Variants in REDIC1 observed in about 807,000 individuals in gnomAD.
REDIC1 encodes regulator of DNA class I crossover intermediates 1.
chr12:39,812,880 G>A, the REDIC1 span, among the ~76,000 whole-genome samples: 2 of 148,308 alleles, frequency 1.3e-5, no homozygotes, highest in Non-Finnish European at 3.0e-5. Context: ...TGTCACCCAG[G>A]CTGGAGTGTA....
chr12:39,899,050 G>A, the REDIC1 span, among the ~76,000 whole-genome samples: 3 of 152,176 alleles, frequency 2.0e-5, no homozygotes, highest in East Asian at 5.8e-4. Flanking sequence ...AGTTTCAGAA[G>A]GAATGGTACC....
chr12:39,680,821 T>C, the REDIC1 span, among the ~76,000 whole-genome samples: 1 of 151,794 alleles, frequency 6.6e-6, no homozygotes, highest in Non-Finnish European at 1.5e-5. Flanking sequence ...GGAATTCTAC[T>C]CAGCCATAAA....
At chr12:39,739,311 G>T in the REDIC1 span, among the ~76,000 whole-genome samples, 2 of 152,148 alleles carry the variant, frequency 1.3e-5, no homozygotes, top group Non-Finnish European at 2.9e-5. Flanking sequence ...AGTTGAGACA[G>T]CCCCTTTCTC....
At chr12:39,757,650 T>C in the REDIC1 span, 1 of 151,980 alleles carries the variant, frequency 6.6e-6, no homozygotes. Flanking sequence ...TCCTTTAAAG[T>C]AGGGGCTCAG....
the REDIC1 span, among the ~76,000 whole-genome samples, chr12:39,723,740 T>C: frequency 6.6e-6 from 1 of 152,030 alleles, no homozygotes; most frequent in Non-Finnish European, 1.5e-5. Context: ...TGCTATACAG[T>C]ATTGGGCTGG....
chr12:39,653,558 T>TTCTTCTTCTTTCTTCTTCTTCTTCTTC, the REDIC1 span, among the ~76,000 whole-genome samples: 3 of 43,842 alleles, frequency 6.8e-5, no homozygotes, highest in African/African-American at 1.4e-4. Flanking sequence ...CTTCTTCTTC[T>TTCTTCTTCTTTCTTCTTCTTCTTCTTC]TTCTTCTTCT....
the REDIC1 span, among the ~76,000 whole-genome samples, chr12:39,643,545 A>C: frequency 6.6e-6 from 1 of 151,674 alleles, no homozygotes; most frequent in African/African-American, 2.4e-5. Context: ...ATAGCTTTAT[A>C]GCATTCTGTT....
the REDIC1 span, among the ~76,000 whole-genome samples, chr12:39,861,708 A>G: frequency 2.2e-4 from 33 of 152,324 alleles, no homozygotes; most frequent in African/African-American, 7.0e-4. Context: ...ATAAAGATAT[A>G]TGATTCAGAT....
the REDIC1 span, among the ~76,000 whole-genome samples, chr12:39,797,222 C>T: frequency 3.3e-5 from 5 of 152,136 alleles, no homozygotes; most frequent in African/African-American, 1.2e-4. Flanking sequence ...CGCCAACATA[C>T]CTAAACCTTT....
At chr12:39,713,001 A>C in the REDIC1 span, among the ~76,000 whole-genome samples, 1 of 140,290 alleles carries the variant, frequency 7.1e-6, no homozygotes, top group Admixed American at 7.1e-5. Context: ...ATACGTGTAT[A>C]TGTATATATA....
chr12:39,902,482 A>G, the REDIC1 span, among the ~76,000 whole-genome samples: 6 of 152,054 alleles, frequency 3.9e-5, no homozygotes, highest in African/African-American at 1.4e-4. Flanking sequence ...TACTTCTTGT[A>G]ATAAATTAAA....
At chr12:39,798,965 G>A in the REDIC1 span, among the ~76,000 whole-genome samples, 14 of 151,054 alleles carry the variant, frequency 9.3e-5, no homozygotes, top group African/African-American at 3.4e-4. Context: ...ATAAATTAGA[G>A]TAACAAAACA....
chr12:39,712,980 TAC>T, the REDIC1 span, among the ~76,000 whole-genome samples: 1 of 7,298 alleles, frequency 1.4e-4, no homozygotes, highest in Non-Finnish European at 2.9e-4. Context: ...TATGTATATA[TAC>T]ATGTGTATAT....
the REDIC1 span, among the ~76,000 whole-genome samples, chr12:39,703,415 C>G: frequency 6.7e-6 from 1 of 149,664 alleles, no homozygotes; most frequent in East Asian, 1.9e-4. Context: ...CTACAAACCA[C>G]TGCTCAAGGA....
chr12:39,877,333 T>C, the REDIC1 span, among the ~76,000 whole-genome samples: 4 of 152,134 alleles, frequency 2.6e-5, no homozygotes, highest in East Asian at 1.9e-4. Context: ...GCAGGGGAAC[T>C]ACCCTTTACA....
the REDIC1 span, among the ~76,000 whole-genome samples, chr12:39,896,686 CGTT>C: frequency 6.6e-6 from 1 of 151,850 alleles, no homozygotes; most frequent in African/African-American, 2.4e-5. Flanking sequence ...TAATATCCCT[CGTT>C]ATCTGCAATT....
the REDIC1 span, among the ~76,000 whole-genome samples, chr12:39,651,378 T>A: frequency 6.8e-6 from 1 of 147,998 alleles, no homozygotes; most frequent in Admixed American, 6.7e-5. Context: ...AGTTTGTTGT[T>A]TTAAAATCTA....
At chr12:39,638,596 T>C in the REDIC1 span, among the ~76,000 whole-genome samples, 1 of 152,054 alleles carries the variant, frequency 6.6e-6, no homozygotes. Flanking sequence ...GCACTCTTCT[T>C]CTTTAGTGCA....
At chr12:39,830,299 T>C in the REDIC1 span, 1 of 1,553,060 alleles carries the variant, frequency 6.4e-7, no homozygotes, top group South Asian at 1.2e-5. Context: ...GGATTCCATG[T>C]GCTTCTCTGC....
Sources: gnomAD v4.1 joint callset for allele counts (sites outside exome capture counted in the v4.1 genomes callset) on GRCh38, gnomAD v4.1.1 for gene constraint, MANE v1.5 for transcripts, NCBI Gene and HGNC (gene_info 2026-07-23, HGNC 2026-07-21) for gene names.